Variants in TRPV3 observed in about 807,000 individuals in gnomAD.
TRPV3 encodes the protein transient receptor potential cation channel subfamily V member 3, also known as VRL-3.
A neutral mutation model predicts 87.1 loss-of-function variants in TRPV3; 88 were observed. The ratio of observed to expected loss-of-function variants is 1.01; its 90% CI spans 0.85 to 1.21. The LOEUF (loss-of-function observed/expected upper bound fraction) is 1.21. Among genes scored for constraint, TRPV3 ranks in the 50% most tolerant of loss-of-function variants. TRPV3 has a pLI of 0.00. For synonymous variants in TRPV3, 438 were observed against 423.3 expected, an observed-to-expected ratio of 1.03 and a Z score of -0.43; for missense variants, 1,054 against 1,030.1, an observed-to-expected ratio of 1.02 and a Z score of -0.32.
chr17:3,540,718 G>A (rs4790515), intron 6 of TRPV3, among the ~76,000 whole-genome samples: 1,593 of 152,264 alleles, frequency 0.01, 86 homozygotes, highest in Admixed American at 0.08. Flanking sequence ...GATACAAAGG[G>A]GACTGAAAAG....
At position 3,543,258 on chromosome 17, in the gene TRPV3, AC is replaced by A. The variant is rs1293107543; in HGVS notation, c.466+215del. On this transcript the variant is annotated intron_variant, in intron 5 of 17. Transcript: ENST00000576742. ...CTGAACAGTGGCCTTCTCCAGCTTC[AC>A]CCCCATCTTCCACACAGTAGTCAGA... is the stretch of plus-strand genomic sequence containing the variant. Among the ~76,000 whole-genome samples, 3 of 150,590 alleles carry A rather than the reference AC, an allele frequency of 2.0e-5. No homozygotes were observed. The East Asian group carries it at 5.9e-4, about 30-fold the overall frequency.
chr17:3,533,583 C>T (rs2074371539), intron 7 of TRPV3, among the ~76,000 whole-genome samples: 1 of 151,236 alleles, frequency 6.6e-6, no homozygotes, highest in African/African-American at 2.4e-5. Flanking sequence ...ACTGCAACCT[C>T]TGCCTCCCGG....
Position 3,518,882 on chromosome 17 carries a change from C to T in TRPV3, c.1811-32G>A. ...GAACATAACAGGGTGCTCTCCTCAGCTCTCTGCCTGGTAATTACTCTACAA... is the reference window on the plus strand; with the variant it reads ...GAACATAACAGGGTGCTCTCCTCAGTTCTCTGCCTGGTAATTACTCTACAA... On this transcript the variant is annotated intron_variant, in intron 14 of 17. Coordinates refer to ENST00000576742, the MANE Select transcript of TRPV3 (RefSeq NM_145068.4). This position sits in a 1 kb window ranked among gnomAD's most constrained non-coding sequence, Gnocchi z 4.3. 6.3e-7 allele frequency: 1 copy of T among 1,594,494 alleles called. No homozygotes were observed. Among genetic ancestry groups the T allele is most frequent in the Non-Finnish European group, 8.6e-7 (1 of 1,169,392 alleles).
chr17:3,517,344 G>A (rs774133321), intron 15 of TRPV3, among the ~76,000 whole-genome samples: 24 of 151,602 alleles, frequency 1.6e-4, no homozygotes, highest in African/African-American at 4.9e-4. Context: ...TTGGACAGGC[G>A]CAGTGGCTCA....
At chr17:3,520,689 T>C (rs772107227) in intron 14 of TRPV3, among the ~76,000 whole-genome samples, 53 of 152,238 alleles carry the variant, frequency 3.5e-4, no homozygotes, top group Non-Finnish European at 7.4e-4. Context: ...GATTAGGAGA[T>C]ATACCTAATG....
At position 3,528,991 on chromosome 17, in the gene TRPV3, C is replaced by T. The variant is rs752293337; in HGVS notation, c.1247G>A (p.Arg416Gln). 14 of 1,613,998 alleles carry T rather than the reference C, an allele frequency of 8.7e-6. No individual in the cohort carries two copies. The highest frequency in any genetic ancestry group is 1.1e-5 in the Non-Finnish European group (13 of 1,180,028). Residue 416 changes from arginine (R) to glutamine (Q), a missense_variant, in exon 10 of 18, where the codon CGG becomes CAG. Physicochemically the swap from Arg to Gln is conservative, Grantham distance 43. Transcript: ENST00000576742. This position sits in a 1 kb window ranked among gnomAD's most constrained non-coding sequence, Gnocchi z 4.2. ...ITVYNTNIDN[R>Q]HEMLTLEPLH... ...CGGCTCCAGGGTCAGCATCTCATGCCGGTTCTAGGGGTAGAATGCCACCAG... is the reference window on the plus strand; with the variant it reads ...CGGCTCCAGGGTCAGCATCTCATGCTGGTTCTAGGGGTAGAATGCCACCAG...
At position 3,513,568 on chromosome 17, in the gene TRPV3, T is replaced by A; in HGVS notation, c.*349A>T. On this transcript the variant is annotated 3_prime_UTR_variant, in exon 18 of 18. Coordinates refer to ENST00000576742, the MANE Select transcript of TRPV3 (RefSeq NM_145068.4). The stretch of plus-strand genomic sequence containing the variant: ...GACTCCTCTCCCTGCTCCTCAAGAC[T>A]GCTGCCCCTTTCCCGCCATCCATCT... 4.5e-6 allele frequency: 1 copy of A among 220,462 alleles called. No homozygotes were observed. The highest frequency in any genetic ancestry group is 9.1e-6 in the Non-Finnish European group (1 of 109,866). The allele number at this position is 220,462 out of a possible 1,614,324, so 13.7% of individuals were successfully genotyped here.
At position 3,514,031 on chromosome 17, in the gene TRPV3, A is replaced by G. The variant is rs771346013; in HGVS notation, c.2279-20T>C. 6.4e-7 allele frequency: 1 copy of G among 1,572,894 alleles called. No homozygotes were observed. Reference sequence around the variant, plus strand: ...TGAAATCTGCTTTTTAAAAAAATATATATTTTAGAAATATATCACTCTGCA... The same window carrying G: ...TGAAATCTGCTTTTTAAAAAAATATGTATTTTAGAAATATATCACTCTGCA... On this transcript the variant is annotated intron_variant, in intron 17 of 17. Coordinates refer to ENST00000576742, the MANE Select transcript of TRPV3 (RefSeq NM_145068.4).
At chr17:3,527,847 G>A (rs1368062139) in intron 11 of TRPV3, 178 bp downstream of exon 11, 2 of 597,992 alleles carry the variant, frequency 3.3e-6, no homozygotes, top group Admixed American at 2.9e-5. Flanking sequence ...GATGGATGAA[G>A]TAGGTAGGAT....
chr17:3,514,312 C>T (rs889044132), intron 17 of TRPV3: 2 of 509,976 alleles, frequency 3.9e-6, no homozygotes, highest in Admixed American at 3.4e-5. Flanking sequence ...CTCCTGACCT[C>T]AGGTGATTCA....
rs2074205030 is a variant in TRPV3, at chr17:3,518,629, C to T, written c.2032G>A (p.Gly678Ser). 3.8e-6 allele frequency: 6 copies of T among 1,583,540 alleles called. No homozygotes were observed. The highest frequency in any genetic ancestry group is 5.2e-6 in the Non-Finnish European group (6 of 1,163,926). Residue 678 changes from glycine (G) to serine (S), a missense_variant, in exon 15 of 18, where the codon GGC becomes AGC. Physicochemically the swap from Gly to Ser is moderately conservative, Grantham distance 56 (BLOSUM62 0). Transcript: ENST00000576742. This position sits in a 1 kb window ranked among gnomAD's most constrained non-coding sequence, Gnocchi z 4.3. The stretch of plus-strand genomic sequence containing the variant: ...TTGGAGACGTTCTCCACAGTCTCGC[C>T]CATCAGAGCAATGAGCATGTTGAGG... ...LLLNMLIALM[G>S]ETVENVSKES...
chr17:3,528,866 C>CGAGGGTCAGGGTGATGTTGTA lies in TRPV3; in HGVS notation c.1351_1371dup (p.Tyr451_Leu457dup). On this transcript the variant is annotated inframe_insertion, in exon 10 of 18. Transcript: ENST00000576742. This position sits in a 1 kb window ranked among gnomAD's most constrained non-coding sequence, Gnocchi z 4.2. ...TCCTCCCGGGGGCGGTAGTACGAGA[C>CGAGGGTCAGGGTGATGTTGTA]GAGGGTCAGGGTGATGTTGTAGAAG... is the stretch of plus-strand genomic sequence containing the variant. 6.2e-7 allele frequency: 1 copy of CGAGGGTCAGGGTGATGTTGTA among 1,614,136 alleles called. No individual in the cohort carries two copies. Among genetic ancestry groups the CGAGGGTCAGGGTGATGTTGTA allele is most frequent in the African/African-American group, 1.3e-5 (1 of 75,034 alleles).
In TRPV3 at chr17:3,518,607, G is replaced by A. The variant is rs1239239349; in HGVS notation, c.2054C>T (p.Ser685Phe). The part of the protein sequence containing the change: ...ALMGETVENV[S>F]KESERIWRLQ... ...GCGCCAGATGCGTTCGCTCTCCTTG[G>A]AGACGTTCTCCACAGTCTCGCCCAT... The change falls in exon 15 of 18, where the codon TCC becomes TTC. Residue 685 changes from serine (S) to phenylalanine (F), a missense_variant. By Grantham distance (155) the Ser-to-Phe change is radical. Transcript: ENST00000576742. This position sits in a 1 kb window ranked among gnomAD's most constrained non-coding sequence, Gnocchi z 4.3. 2 of 1,567,252 alleles carry A rather than the reference G, an allele frequency of 1.3e-6. No homozygotes were observed. The highest frequency in any genetic ancestry group is 2.3e-5 in the South Asian group (2 of 85,366).
chr17:3,532,578 A>G lies in TRPV3; in HGVS notation c.1065+79T>C, dbSNP rs373255. On this transcript the variant is annotated intron_variant, in intron 8 of 17. Transcript: ENST00000576742. ...GGCTGTGGTTTGTGAATCCCCAGTA[A>G]GGCCCCCGGGGCTGAGAGGGTGGCA... 0.46 allele frequency: 702,287 copies of G among 1,524,090 alleles called. 169,283 individuals carry two copies. Among genetic ancestry groups the G allele is most frequent in the Non-Finnish European group, 0.5 (564,176 of 1,125,766 alleles). 94.4% of individuals were successfully genotyped at this position (1,524,090 alleles called of 1,614,324 possible). A position where few individuals can be genotyped will look rare whatever the true frequency, so the allele number is the denominator to read the frequency against.
In TRPV3 at chr17:3,543,466, A is replaced by C; in HGVS notation, c.466+8T>G. The C allele has an allele frequency of 6.2e-7, 1 of 1,612,510 alleles. No homozygotes were observed. On this transcript the variant is annotated splice_region_variant and intron_variant, in intron 5 of 17. Transcript: ENST00000576742. ...GCCCTGCACCCTCTGCCAGGCTCAG[A>C]CACTCACCAGGCACATCCTCATCAT...
chr17:3,522,434 T>A (rs2074255795), intron 13 of TRPV3, among the ~76,000 whole-genome samples: 1 of 152,230 alleles, frequency 6.6e-6, no homozygotes, highest in Admixed American at 6.5e-5. Context: ...ATACTTTTAT[T>A]ACAGTATATT....
intron 14 of TRPV3, among the ~76,000 whole-genome samples, chr17:3,519,859 TGGATGG>T (rs2074228042): frequency 6.5e-5 from 4 of 61,412 alleles, no homozygotes; most frequent in Non-Finnish European, 1.9e-4. Flanking sequence ...ACTGGATGGA[TGGATGG>T]ATGGATGGAT....
At chr17:3,517,055 G>C (rs1204698930) in intron 15 of TRPV3, among the ~76,000 whole-genome samples, 1 of 152,186 alleles carries the variant, frequency 6.6e-6, no homozygotes, top group Non-Finnish European at 1.5e-5. Context: ...TGAGGCAGGA[G>C]AATCACTTGA....
chr17:3,535,369 C>T (rs2074398553), intron 7 of TRPV3, among the ~76,000 whole-genome samples: 1 of 135,088 alleles, frequency 7.4e-6, no homozygotes, highest in South Asian at 2.7e-4. Flanking sequence ...CCTCATCCTT[C>T]CTGCTTCCTT....
Sources: allele counts gnomAD v4.1 joint callset (sites outside exome capture counted in the v4.1 genomes callset), GRCh38; gene constraint gnomAD v4.1.1; non-coding constraint Gnocchi (gnomAD v3.1); transcripts MANE v1.5; gene names NCBI Gene and HGNC (gene_info 2026-07-23, HGNC 2026-07-21).